The following APPL2 variants were observed in gnomAD, a reference collection of about 807,000 sequenced individuals.
The protein encoded by APPL2 is DCC-interacting protein 13-beta.
Under a neutral mutation model 92.7 loss-of-function variants are expected in APPL2, and 84 were observed. The observed-to-expected ratio is 0.91, with a 90% CI of 0.76 to 1.09. APPL2 has a LOEUF of 1.09. Among genes scored for constraint, APPL2 ranks in the 50% least tolerant of loss-of-function variants. The probability of loss-of-function intolerance (pLI) is 0.00; values close to 1 mark genes in which losing one functional copy is unlikely to be tolerated. For synonymous variants in APPL2, 291 were observed against 291.0 expected (o/e 1.00, Z 0.00); for missense variants, 736 against 824.5 (o/e 0.89, Z 1.31).
chr12:105,182,614 TGA>T (rs749187743), intron 17 of APPL2, among the ~76,000 whole-genome samples: 3 of 152,362 alleles, frequency 2.0e-5, no homozygotes, highest in Non-Finnish European at 2.9e-5. Flanking sequence ...CACTGTGGTC[TGA>T]GAGACAGTTT....
At chr12:105,206,450 C>A (rs1036889249) in intron 8 of APPL2, among the ~76,000 whole-genome samples, 2 of 152,162 alleles carry the variant, frequency 1.3e-5, no homozygotes, top group Non-Finnish European at 2.9e-5. Flanking sequence ...CTCACACTCA[C>A]GGTCACTCGT....
chr12:105,202,205 A>AG (rs1277870916), intron 9 of APPL2, among the ~76,000 whole-genome samples: 1 of 152,236 alleles, frequency 6.6e-6, no homozygotes, highest in Admixed American at 6.5e-5. Context: ...TGTCAGACAG[A>AG]GGGGGTAACT....
intron 14 of APPL2, among the ~76,000 whole-genome samples, chr12:105,194,894 T>C (rs1051146437): frequency 6.6e-6 from 1 of 152,230 alleles, no homozygotes; most frequent in African/African-American, 2.4e-5. Flanking sequence ...GCGATTTTTT[T>C]TTCCTTATTT....
intron 19 of APPL2, 93 bp from the exon 20 acceptor site, chr12:105,176,175 T>A: frequency 3.6e-6 from 4 of 1,116,620 alleles, no homozygotes; most frequent in Non-Finnish European, 5.2e-6. Flanking sequence ...AGGTCACTGT[T>A]CTCACTGTTC....
intron 1 of APPL2, among the ~76,000 whole-genome samples, chr12:105,231,419 C>T (rs1176927064): frequency 2.6e-5 from 4 of 152,218 alleles, no homozygotes; most frequent in Admixed American, 6.5e-5. Context: ...ACATATGTGA[C>T]TTCATTTAAT....
chr12:105,186,057 A>ACTT (rs1277356128), intron 17 of APPL2, among the ~76,000 whole-genome samples: 10 of 152,216 alleles, frequency 6.6e-5, no homozygotes, highest in Non-Finnish European at 1.5e-4. Context: ...GGCTTCTTTC[A>ACTT]CTTAGCACAA....
chr12:105,187,381 C>T (rs997246574), intron 17 of APPL2, among the ~76,000 whole-genome samples: 27 of 152,186 alleles, frequency 1.8e-4, no homozygotes, highest in African/African-American at 6.3e-4. Flanking sequence ...TTCCTCATGA[C>T]ATTTATTCCT....
At chr12:105,226,831 G>GA (rs1162450137) in intron 2 of APPL2, among the ~76,000 whole-genome samples, 1 of 152,122 alleles carries the variant, frequency 6.6e-6, no homozygotes, top group Non-Finnish European at 1.5e-5. Flanking sequence ...AATCACAGGT[G>GA]AACACATAAT....
chr12:105,190,546 C>A (rs1438998605), intron 14 of APPL2, among the ~76,000 whole-genome samples: 1 of 152,214 alleles, frequency 6.6e-6, no homozygotes, highest in Non-Finnish European at 1.5e-5. Context: ...CCATCTGGCT[C>A]TAATTTCCCC....
intron 17 of APPL2, among the ~76,000 whole-genome samples, chr12:105,181,614 T>C (rs963047116): frequency 5.3e-5 from 8 of 152,204 alleles, no homozygotes; most frequent in African/African-American, 1.9e-4. Context: ...GTTGGTAGGC[T>C]ATTAATTATT....
At chr12:105,214,632 T>A (rs552777942) in intron 4 of APPL2, among the ~76,000 whole-genome samples, 1 of 152,232 alleles carries the variant, frequency 6.6e-6, no homozygotes, top group Non-Finnish European at 1.5e-5. Context: ...TCCTCATCAA[T>A]AGAAGTGCTA....
chr12:105,190,111 AT>A lies in APPL2; in HGVS notation c.1285del (p.Ile429LeufsTer15). 6.2e-7 allele frequency: 1 copy of A among 1,614,166 alleles called. No homozygotes were observed. The highest frequency in any genetic ancestry group is 1.1e-5 in the South Asian group (1 of 91,078). On this transcript the variant is annotated frameshift_variant, in exon 15 of 21. Coordinates refer to ENST00000258530, the MANE Select transcript of APPL2 (RefSeq NM_018171.5). LOFTEE classifies it high-confidence loss of function. ...TAGACTGGCTGTTGCTTTGGGAACA[AT>A]CTTGTCATTTTCATTTTCCATCTCT... ...NSEMENENDK[I>X]VPKATASLPE... is the part of the protein sequence containing the mutation.
At position 105,203,729 on chromosome 12, in the gene APPL2, TA is replaced by T. The variant is rs1326640112; in HGVS notation, c.677del (p.Leu226TyrfsTer13). 5 of 1,614,034 alleles carry T rather than the reference TA, an allele frequency of 3.1e-6. No homozygotes were observed. Among genetic ancestry groups the T allele is most frequent in the Non-Finnish European group, 4.2e-6 (5 of 1,180,028 alleles). ...EMFSKRMDSF[L>X]SSVADMVQSI... ...TTTGAACCATGTCTGCAACGGAGGA[TA>T]AAAAGCTGTCCATACGTTTGGAAAA... On this transcript the variant is annotated frameshift_variant, in exon 9 of 21. Transcript: ENST00000258530. LOFTEE classifies it high-confidence loss of function.
Position 105,236,101 on chromosome 12 carries a change from G to A in APPL2, c.-89C>T, listed in dbSNP as rs944950807. On this transcript the variant is annotated 5_prime_UTR_variant, in exon 1 of 21. Transcript: ENST00000258530. ...AGAGCACTCCCCGGCTCTGGGCTCA[G>A]GCGACGCGGCGGCCACTCCGTGCCC... 3.0e-6 allele frequency: 3 copies of A among 991,496 alleles called. No homozygotes were observed. The highest frequency in any genetic ancestry group is 3.8e-5 in the East Asian group (1 of 26,388). The allele number at this position is 991,496 out of a possible 1,614,324, so 61.4% of individuals were successfully genotyped here.
rs771729906 is a variant in APPL2 at position 105,177,225 on chromosome 12, C to T, written c.1671+1G>A. On this transcript the variant is annotated splice_donor_variant, in intron 18 of 20. Transcript: ENST00000258530. LOFTEE classifies it high-confidence loss of function. Reference sequence around the variant, plus strand: ...AACATGAACCTGTATGCGGTACTTACATTGGCCCTTGATACTTGAGTCTGT... The same window carrying T: ...AACATGAACCTGTATGCGGTACTTATATTGGCCCTTGATACTTGAGTCTGT... 17 of 1,613,842 alleles carry T rather than the reference C, an allele frequency of 1.1e-5. No individual in the cohort carries two copies. The highest frequency in any genetic ancestry group is 1.6e-4 in the Middle Eastern group (1 of 6,082).
chr12:105,193,451 T>G (rs1047704161), intron 14 of APPL2, among the ~76,000 whole-genome samples: 5 of 152,208 alleles, frequency 3.3e-5, no homozygotes, highest in African/African-American at 1.2e-4. Context: ...GGCAGAGATA[T>G]CGTTAGAACC....
At chr12:105,213,916 G>A (rs1889427082) in intron 4 of APPL2, among the ~76,000 whole-genome samples, 1 of 152,196 alleles carries the variant, frequency 6.6e-6, no homozygotes, top group Admixed American at 6.5e-5. Context: ...GCTGGGCGTG[G>A]TGGCTCACAC....
At chr12:105,185,985 G>A (rs971541740) in intron 17 of APPL2, among the ~76,000 whole-genome samples, 4 of 151,720 alleles carry the variant, frequency 2.6e-5, no homozygotes, top group African/African-American at 9.7e-5. Flanking sequence ...TGTCTCTATG[G>A]ATTTGCCTAC....
intron 1 of APPL2, among the ~76,000 whole-genome samples, chr12:105,233,707 G>GT (rs376640357): frequency 1.7e-3 from 265 of 152,312 alleles, no homozygotes; most frequent in African/African-American, 6.1e-3. Context: ...CATATCCCTA[G>GT]TACAGGCAAG....
Sources: gnomAD v4.1 joint callset for allele counts (sites outside exome capture counted in the v4.1 genomes callset) on GRCh38, gnomAD v4.1.1 for gene constraint, MANE v1.5 for transcripts, NCBI Gene and HGNC (gene_info 2026-07-23, HGNC 2026-07-21) for gene names.